The following KIF5C variants were observed in gnomAD, a reference collection of about 807,000 sequenced individuals.
KIF5C encodes the protein kinesin heavy chain isoform 5C.
Under a neutral mutation model 125.2 loss-of-function variants are expected in KIF5C, and 18 were observed. The observed-to-expected ratio is 0.14, with a 90% confidence interval of 0.10 to 0.21. The LOEUF (loss-of-function observed/expected upper bound fraction) is 0.21. Among genes scored for constraint, KIF5C ranks in the 10% least tolerant of loss-of-function variants. The probability of loss-of-function intolerance (pLI) is 1.00; values close to 1 mark genes in which losing one functional copy is unlikely to be tolerated. For synonymous variants in KIF5C, 405 were observed against 434.0 expected (o/e 0.93, Z 0.83); for missense variants, 780 against 1,183.8 (o/e 0.66, Z 5.01).
chr2:148,946,859 A>C (rs775435118), intron 7 of KIF5C, 40 bp from the exon 8 acceptor site: 9 of 1,604,154 alleles, frequency 5.6e-6, no homozygotes, highest in Non-Finnish European at 7.6e-6. Flanking sequence ...ACCTAAACCT[A>C]CATGTTCTTT....
At chr2:149,000,607 A>G (rs1021660819) in intron 20 of KIF5C, 83 bp downstream of exon 20, 30 of 1,574,370 alleles carry the variant, frequency 1.9e-5, no homozygotes, top group African/African-American at 4.1e-5. Flanking sequence ...AAAACAGACA[A>G]TGGCTATTTG....
chr2:148,958,966 AGAGT>A (rs1682862806), intron 10 of KIF5C, among the ~76,000 whole-genome samples: 1 of 150,728 alleles, frequency 6.6e-6, no homozygotes, highest in Non-Finnish European at 1.5e-5. Context: ...CCTGGGCAAC[AGAGT>A]GAGACTCTGT....
At position 149,023,282 on chromosome 2, in the gene KIF5C, G is replaced by A. The variant is rs1252037535; in HGVS notation, c.*212G>A. ...TCTTTTTGAGAAATCTGAAGGAGATGGTTGCAGAAGATCCACTTACTACTG... is the reference window on the plus strand; with the variant it reads ...TCTTTTTGAGAAATCTGAAGGAGATAGTTGCAGAAGATCCACTTACTACTG... On this transcript the variant is annotated 3_prime_UTR_variant, in exon 26 of 26. Transcript: ENST00000435030. The A allele has an allele frequency of 6.6e-6, 1 of 152,176 alleles. No homozygotes were observed. The highest frequency in any genetic ancestry group is 2.4e-5 in the African/African-American group (1 of 41,402). The allele number at this position is 152,176 out of a possible 1,614,324, so 9.4% of individuals were successfully genotyped here. A position where few individuals can be genotyped will look rare whatever the true frequency, so the allele number is the denominator to read the frequency against.
intron 15 of KIF5C, among the ~76,000 whole-genome samples, chr2:148,987,625 G>A (rs1388532050): frequency 6.6e-6 from 1 of 152,064 alleles, no homozygotes; most frequent in Non-Finnish European, 1.5e-5. Context: ...CTGGAACTCG[G>A]TATTTAACAT....
At chr2:148,879,407 GAT>G (rs1216599776) in intron 1 of KIF5C, 1 of 152,142 alleles carries the variant, frequency 6.6e-6, no homozygotes. Context: ...TAATTTTAAA[GAT>G]AAGTGCTGTT....
chr2:148,934,020 A>G (rs1449005185), intron 3 of KIF5C, among the ~76,000 whole-genome samples: 1 of 151,676 alleles, frequency 6.6e-6, no homozygotes, highest in African/African-American at 2.4e-5. Flanking sequence ...ATACAGACAT[A>G]TACATACCAC....
chr2:148,942,848 A>G (rs1574772436), intron 7 of KIF5C, 88 bp downstream of exon 7: 7 of 1,547,162 alleles, frequency 4.5e-6, no homozygotes, highest in Non-Finnish European at 6.1e-6. Context: ...TTAGGTACAA[A>G]TGAAAGAATG....
chr2:149,008,947 T>C (rs1052519392), intron 23 of KIF5C, among the ~76,000 whole-genome samples: 1 of 151,744 alleles, frequency 6.6e-6, no homozygotes, highest in Admixed American at 6.6e-5. Context: ...GGCTCTGAGA[T>C]GCATTTTTAA....
intron 3 of KIF5C, among the ~76,000 whole-genome samples, chr2:148,932,174 T>G (rs1302969869): frequency 1.3e-5 from 2 of 152,184 alleles, no homozygotes; most frequent in Non-Finnish European, 2.9e-5. Flanking sequence ...AGGGTCTGCA[T>G]TCTCTGAAAG....
chr2:148,991,223 T>G (rs374119233), intron 16 of KIF5C, 25 bp downstream of exon 16: 1 of 1,608,616 alleles, frequency 6.2e-7, no homozygotes, highest in African/African-American at 1.3e-5. Flanking sequence ...TCCCCATCAT[T>G]GCACTCTTGT....
intron 1 of KIF5C, among the ~76,000 whole-genome samples, chr2:148,890,661 T>C (rs1369002304): frequency 3.9e-5 from 6 of 152,148 alleles, no homozygotes; most frequent in African/African-American, 1.4e-4. Flanking sequence ...TGAAATTTGA[T>C]TTAGTTGAGT....
At chr2:148,966,362 GCA>G (rs976225396) in intron 11 of KIF5C, among the ~76,000 whole-genome samples, 29 of 149,292 alleles carry the variant, frequency 1.9e-4, no homozygotes, top group East Asian at 7.8e-4. Context: ...GTGCGCGCGC[GCA>G]CACACACACA....
At chr2:148,944,374 G>C (rs1682477603) in intron 7 of KIF5C, among the ~76,000 whole-genome samples, 1 of 152,040 alleles carries the variant, frequency 6.6e-6, no homozygotes, top group Non-Finnish European at 1.5e-5. Context: ...GACTGCTCTA[G>C]GTACCTCATG....
chr2:148,994,323 G>A (rs1163474931), intron 16 of KIF5C, 98 bp from the exon 17 acceptor site: 3 of 1,474,088 alleles, frequency 2.0e-6, no homozygotes, highest in Non-Finnish European at 2.7e-6. Context: ...AAGGGACTCA[G>A]GAACCCCTCC....
intron 1 of KIF5C, among the ~76,000 whole-genome samples, chr2:148,887,472 C>T (rs1308360899): frequency 6.6e-6 from 1 of 151,908 alleles, no homozygotes; most frequent in African/African-American, 2.4e-5. Flanking sequence ...ACAAGATCCC[C>T]GCTATCAATA....
At chr2:148,964,080 C>T (rs754886802) in intron 11 of KIF5C, among the ~76,000 whole-genome samples, 75 of 152,088 alleles carry the variant, frequency 4.9e-4, no homozygotes, top group Admixed American at 2.3e-3. Context: ...GTTCGAGACC[C>T]GCCTGGCCAA....
intron 17 of KIF5C, among the ~76,000 whole-genome samples, chr2:148,996,640 C>G (rs1681682863): frequency 6.6e-6 from 1 of 152,228 alleles, no homozygotes; most frequent in South Asian, 2.1e-4. Flanking sequence ...GCACCATCGA[C>G]CAAGCATATG....
intron 11 of KIF5C, among the ~76,000 whole-genome samples, chr2:148,971,703 A>G (rs1558925096): frequency 2.0e-5 from 3 of 152,352 alleles, no homozygotes; most frequent in East Asian, 3.9e-4. Flanking sequence ...GAACTGTGAT[A>G]CAAAAGTGAA....
chr2:148,877,549 ACT>A lies in KIF5C; in HGVS notation c.126+1807_126+1808del, dbSNP rs1401377611. ...GTATCTGCCTACAGCCTGATCTGCTACTTTCTGAGCCAGGCTGTGGTTTAGAT... is the reference window on the plus strand; with the variant it reads ...GTATCTGCCTACAGCCTGATCTGCTATTCTGAGCCAGGCTGTGGTTTAGAT... On this transcript the variant is annotated intron_variant, in intron 1 of 25. Transcript: ENST00000435030. 2.0e-5 allele frequency among the ~76,000 whole-genome samples: 3 copies of A among 152,336 alleles called. No homozygotes were observed. The East Asian group carries it at 5.8e-4, about 29-fold the overall frequency.
Sources: gnomAD v4.1 joint callset for allele counts (sites outside exome capture counted in the v4.1 genomes callset) on GRCh38, gnomAD v4.1.1 for gene constraint, MANE v1.5 for transcripts, NCBI Gene and HGNC (gene_info 2026-07-23, HGNC 2026-07-21) for gene names.